Variants in DOK5 observed in about 807,000 individuals in gnomAD.
DOK5 encodes the protein downstream of tyrosine kinase 5.
DOK5 carries 27 observed loss-of-function variants against 43.3 expected under a neutral mutation model. That is an observed-to-expected ratio of 0.62 (90% CI 0.46 to 0.86). The LOEUF (loss-of-function observed/expected upper bound fraction) is 0.86, where lower values mean the gene tolerates loss of function less well. DOK5 is among the 40% of genes least tolerant of loss of function. DOK5 has a pLI of 0.00. For missense variants in DOK5, 373 were observed against 392.9 expected (o/e 0.95, Z 0.43); for synonymous variants, 146 against 140.1 (o/e 1.04, Z -0.30).
chr20:54,575,581 C>T (rs1985428280), intron 2 of DOK5, among the ~76,000 whole-genome samples: 1 of 152,176 alleles, frequency 6.6e-6, no homozygotes, highest in African/African-American at 2.4e-5. Flanking sequence ...GCTGGGACAA[C>T]AGGCACCCGC....
intron 5 of DOK5, among the ~76,000 whole-genome samples, chr20:54,606,886 T>C (rs1219398455): frequency 6.6e-6 from 1 of 152,224 alleles, no homozygotes; most frequent in African/African-American, 2.4e-5. Flanking sequence ...ACCAAAGGCC[T>C]CATTTCTGTT....
intron 1 of DOK5, among the ~76,000 whole-genome samples, chr20:54,512,532 A>G (rs1335691987): frequency 1.3e-5 from 2 of 152,206 alleles, no homozygotes; most frequent in Non-Finnish European, 2.9e-5. Context: ...AGCAGCCTAC[A>G]GTGGGCCTAA....
At chr20:54,511,573 T>A (rs1230110299) in intron 1 of DOK5, among the ~76,000 whole-genome samples, 1 of 152,212 alleles carries the variant, frequency 6.6e-6, no homozygotes, top group Non-Finnish European at 1.5e-5. Context: ...TAACACTAGG[T>A]AAACATTCAT....
At chr20:54,648,425 T>C (rs769674553) in intron 7 of DOK5, among the ~76,000 whole-genome samples, 36 of 152,056 alleles carry the variant, frequency 2.4e-4, no homozygotes, top group Non-Finnish European at 4.6e-4. Flanking sequence ...GGCAGAGCTG[T>C]TGGTTTTGAG....
At chr20:54,571,111 A>C (rs932559354) in intron 2 of DOK5, among the ~76,000 whole-genome samples, 1 of 152,194 alleles carries the variant, frequency 6.6e-6, no homozygotes, top group East Asian at 1.9e-4. Flanking sequence ...AGTGTTGAGT[A>C]TTTCTTTCTT....
At chr20:54,533,547 T>C (rs1398570486) in intron 1 of DOK5, among the ~76,000 whole-genome samples, 2 of 152,178 alleles carry the variant, frequency 1.3e-5, no homozygotes, top group East Asian at 1.9e-4. Flanking sequence ...AATAAAATAA[T>C]AGCTAACCTT....
At chr20:54,639,605 A>G (rs1017038595) in intron 6 of DOK5, among the ~76,000 whole-genome samples, 1 of 142,280 alleles carries the variant, frequency 7.0e-6, no homozygotes, top group African/African-American at 2.6e-5. Flanking sequence ...TGTTAATGTG[A>G]AGATATTATA....
At chr20:54,563,154 C>T (rs951816689) in intron 2 of DOK5, among the ~76,000 whole-genome samples, 4 of 152,164 alleles carry the variant, frequency 2.6e-5, no homozygotes, top group Admixed American at 2.6e-4. Context: ...TCACAGCCTC[C>T]AGTAGGAACC....
intron 7 of DOK5, among the ~76,000 whole-genome samples, chr20:54,644,980 A>AT (rs1979328446): frequency 2.2e-5 from 3 of 136,794 alleles, no homozygotes; most frequent in Non-Finnish European, 4.7e-5. Context: ...TTTGTGGGGG[A>AT]TACTTGTAAA....
At position 54,642,564 on chromosome 20, in the gene DOK5, A is replaced by AAG. The variant is rs1555839401; in HGVS notation, c.736-893_736-892insGA. The stretch of plus-strand genomic sequence containing the variant: ...ACTAAAAATACAAAAAAAAAAAAAA[A>AAG]AAAAGAAAAATTAGCCGGGCGTGGT... On this transcript the variant is annotated intron_variant, in intron 6 of 7. Coordinates refer to ENST00000262593, the MANE Select transcript of DOK5 (RefSeq NM_018431.5). Among the ~76,000 whole-genome samples the AAG allele has an allele frequency of 4.9e-4, 73 of 149,798 alleles. 2 individuals carry two copies. In the Middle Eastern group the frequency reaches 0.01, roughly 21 times the overall value.
chr20:54,610,131 T>TA lies in DOK5; in HGVS notation c.600-249dup, dbSNP rs199665638. 9.2e-3 allele frequency among the ~76,000 whole-genome samples: 1,404 copies of TA among 152,264 alleles called. 20 individuals are homozygous for TA. Among genetic ancestry groups the TA allele is most frequent in the African/African-American group, 0.032 (1,338 of 41,562 alleles). ...TGCAAATCAAGAAACAGCTTTTTTT[T>TA]AAAAAAAATTTCTGTTTTACTTTGT... On this transcript the variant is annotated intron_variant, in intron 5 of 7. Coordinates refer to ENST00000262593, the MANE Select transcript of DOK5 (RefSeq NM_018431.5).
chr20:54,640,128 A>T (rs955592536), intron 6 of DOK5, among the ~76,000 whole-genome samples: 2 of 152,298 alleles, frequency 1.3e-5, no homozygotes, highest in Non-Finnish European at 1.5e-5. Context: ...TATGAAAGGA[A>T]AGCGGAGGAC....
At chr20:54,522,390 C>T (rs926569179) in intron 1 of DOK5, among the ~76,000 whole-genome samples, 2 of 152,084 alleles carry the variant, frequency 1.3e-5, no homozygotes, top group Admixed American at 6.6e-5. Flanking sequence ...TTAAATTGGA[C>T]ATTAATTAAT....
Position 54,632,093 on chromosome 20 carries a change from T to C in DOK5, c.736-11365T>C, listed in dbSNP as rs572751556. On this transcript the variant is annotated intron_variant, in intron 6 of 7. Coordinates refer to ENST00000262593, the MANE Select transcript of DOK5 (RefSeq NM_018431.5). Reference sequence around the variant, plus strand: ...ACCAGACCCAAAGATAGAGCTGTCTTGGAGACTGTAAACTCCCTGCAGGGG... The same window carrying C: ...ACCAGACCCAAAGATAGAGCTGTCTCGGAGACTGTAAACTCCCTGCAGGGG... Among the ~76,000 whole-genome samples the C allele has an allele frequency of 6.6e-5, 10 of 152,330 alleles. No homozygotes were observed. In the East Asian group the frequency reaches 1.9e-3, roughly 29 times the overall value.
intron 6 of DOK5, among the ~76,000 whole-genome samples, chr20:54,611,866 T>C (rs1339401732): frequency 6.6e-6 from 1 of 152,208 alleles, no homozygotes; most frequent in African/African-American, 2.4e-5. Context: ...CCCCGGGTTA[T>C]TCCCAAATGA....
At position 54,530,197 on chromosome 20, in the gene DOK5, G is replaced by T. The variant is rs115695170; in HGVS notation, c.67-24736G>T. Among the ~76,000 whole-genome samples, 695 of 152,186 alleles carry T rather than the reference G, an allele frequency of 4.6e-3. 5 individuals are homozygous for T. Among genetic ancestry groups the T allele is most frequent in the African/African-American group, 0.016 (670 of 41,524 alleles). On this transcript the variant is annotated intron_variant, in intron 1 of 7. Coordinates refer to ENST00000262593, the MANE Select transcript of DOK5 (RefSeq NM_018431.5). ...ACTTTTGTTTCTTTGTCCTTTATTTGGTGTGTGTCTATAAATCCTTTTTTA... is the reference window on the plus strand; with the variant it reads ...ACTTTTGTTTCTTTGTCCTTTATTTTGTGTGTGTCTATAAATCCTTTTTTA...
At chr20:54,600,317 A>G (rs1986266914) in intron 5 of DOK5, among the ~76,000 whole-genome samples, 2 of 152,086 alleles carry the variant, frequency 1.3e-5, no homozygotes, top group South Asian at 4.2e-4. Context: ...GGCTGTGTAG[A>G]GTTGGACAAC....
chr20:54,541,659 ACTC>A (rs973040012), intron 1 of DOK5, among the ~76,000 whole-genome samples: 1 of 151,656 alleles, frequency 6.6e-6, no homozygotes, highest in Non-Finnish European at 1.5e-5. Context: ...CTGGTCTAGA[ACTC>A]CTGACCTCAA....
intron 1 of DOK5, among the ~76,000 whole-genome samples, chr20:54,512,765 G>A (rs561913946): frequency 8.6e-4 from 131 of 152,342 alleles, no homozygotes; most frequent in Non-Finnish European, 1.5e-3. Context: ...CTACATAGCT[G>A]CTGTAATGTG....
Sources: gnomAD v4.1 joint callset for allele counts (sites outside exome capture counted in the v4.1 genomes callset) on GRCh38, gnomAD v4.1.1 for gene constraint, MANE v1.5 for transcripts, NCBI Gene and HGNC (gene_info 2026-07-23, HGNC 2026-07-21) for gene names.